GTF2E2: variants seen among roughly 807,000 people sequenced by gnomAD.
GTF2E2 encodes transcription initiation factor IIE subunit beta.
Under a neutral mutation model 40.5 loss-of-function variants are expected in GTF2E2, and 21 were observed. The observed-to-expected ratio is 0.52, with a 90% CI of 0.37 to 0.75. The LOEUF (loss-of-function observed/expected upper bound fraction) is 0.75. GTF2E2 is among the 30% of genes least tolerant of loss of function. The probability of loss-of-function intolerance (pLI) is 0.00; values close to 1 mark genes in which losing one functional copy is unlikely to be tolerated. For synonymous variants in GTF2E2, 117 were observed against 121.6 expected (o/e 0.96, Z 0.25); for missense variants, 298 against 338.4 (o/e 0.88, Z 0.94).
intron 6 of GTF2E2, among the ~76,000 whole-genome samples, chr8:30,599,272 AC>A (rs11284290): frequency 0.36 from 54,175 of 151,942 alleles, 10,025 homozygotes; most frequent in African/African-American, 0.47. Flanking sequence ...AAAAAATAAA[AC>A]CAAAAAAATA....
chr8:30,625,287 T>C (rs932266997), intron 3 of GTF2E2, among the ~76,000 whole-genome samples: 2 of 152,120 alleles, frequency 1.3e-5, no homozygotes, highest in Non-Finnish European at 2.9e-5. Flanking sequence ...TTTTTGTCTT[T>C]GGTTCTGTTT....
intron 2 of GTF2E2, chr8:30,645,217 A>G: frequency 7.9e-7 from 1 of 1,270,576 alleles, no homozygotes; most frequent in South Asian, 1.6e-5. Context: ...AAATCTTAGT[A>G]CTGAGATTTG....
intron 5 of GTF2E2, among the ~76,000 whole-genome samples, chr8:30,611,319 A>C (rs1829468999): frequency 6.6e-6 from 1 of 152,250 alleles, no homozygotes; most frequent in African/African-American, 2.4e-5. Context: ...AGATATATGA[A>C]GAAACAGGAA....
intron 6 of GTF2E2, among the ~76,000 whole-genome samples, chr8:30,605,333 G>C (rs758281366): frequency 4.6e-5 from 7 of 152,044 alleles, no homozygotes; most frequent in Non-Finnish European, 4.4e-5. Context: ...AAAGAGAAAT[G>C]ACAGTAAGTC....
chr8:30,616,906 G>A (rs569492858), intron 3 of GTF2E2, among the ~76,000 whole-genome samples: 3 of 152,122 alleles, frequency 2.0e-5, no homozygotes, highest in African/African-American at 7.2e-5. Flanking sequence ...GTAGAAATAA[G>A]TATACATTTG....
At chr8:30,582,129 A>C (rs914866575) in intron 6 of GTF2E2, among the ~76,000 whole-genome samples, 1 of 152,114 alleles carries the variant, frequency 6.6e-6, no homozygotes, top group African/African-American at 2.4e-5. Context: ...CTCCCACCTC[A>C]GCCTCCTGAG....
At chr8:30,617,484 T>C (rs1800955334) in intron 3 of GTF2E2, among the ~76,000 whole-genome samples, 1 of 152,078 alleles carries the variant, frequency 6.6e-6, no homozygotes, top group Non-Finnish European at 1.5e-5. Context: ...GGCTCACACC[T>C]GAATCCCAGC....
At chr8:30,629,827 T>C (rs6991816) in intron 3 of GTF2E2, among the ~76,000 whole-genome samples, 51,409 of 151,934 alleles carry the variant, frequency 0.34, 8,718 homozygotes, top group African/African-American at 0.4. Context: ...AGAATGACAC[T>C]GGAGAAACAC....
chr8:30,639,218 A>G (rs1249297286), intron 2 of GTF2E2, among the ~76,000 whole-genome samples: 1 of 152,230 alleles, frequency 6.6e-6, no homozygotes, highest in Non-Finnish European at 1.5e-5. Context: ...TATATAAAAG[A>G]TCATAAAAGG....
intron 6 of GTF2E2, chr8:30,597,549 T>C (rs1829046861): frequency 6.6e-6 from 1 of 152,258 alleles, no homozygotes; most frequent in South Asian, 2.1e-4. Flanking sequence ...TGCGGGATGT[T>C]CACTTTGTCT....
At chr8:30,645,605 T>C (rs1180408132) in intron 2 of GTF2E2, 38 of 1,523,152 alleles carry the variant, frequency 2.5e-5, no homozygotes, top group Non-Finnish European at 3.0e-5. Flanking sequence ...TAACACTCTA[T>C]AGAAGATGAA....
rs567256304 is a variant in GTF2E2, at chr8:30,625,311, C to T, written c.258+9721G>A. Among the ~76,000 whole-genome samples, 6 of 152,068 alleles carry T rather than the reference C, an allele frequency of 3.9e-5. No homozygotes were observed. The East Asian group carries it at 7.7e-4, about 20-fold the overall frequency. On this transcript the variant is annotated intron_variant, in intron 3 of 7. Transcript: ENST00000355904. ...TTGGTTCTGTTTATATGCTGGATTA[C>T]GTTTATTGACTTGCGTATGTTGAAC...
intron 6 of GTF2E2, among the ~76,000 whole-genome samples, chr8:30,589,249 C>T (rs1318390220): frequency 6.6e-6 from 1 of 152,100 alleles, no homozygotes; most frequent in Non-Finnish European, 1.5e-5. Context: ...AGCGAGACTC[C>T]ACCTCAAAAA....
chr8:30,651,460 A>C (rs1176213780), intron 2 of GTF2E2, among the ~76,000 whole-genome samples: 1 of 152,228 alleles, frequency 6.6e-6, no homozygotes, highest in Non-Finnish European at 1.5e-5. Context: ...AGATTGAATC[A>C]GAATAAAATA....
At chr8:30,652,099 A>T (rs1802298843) in intron 2 of GTF2E2, among the ~76,000 whole-genome samples, 1 of 152,260 alleles carries the variant, frequency 6.6e-6, no homozygotes, top group African/African-American at 2.4e-5. Flanking sequence ...TAAATGCAGG[A>T]GCTAAAACTA....
At chr8:30,654,088 CA>C (rs11307086) in intron 1 of GTF2E2, among the ~76,000 whole-genome samples, 104,919 of 115,428 alleles carry the variant, frequency 0.91, 47,481 homozygotes, top group Middle Eastern at 0.95. Flanking sequence ...GACCCTTGTT[CA>C]AAAAAAAAAA....
At chr8:30,610,443 CA>C (rs34094808) in intron 5 of GTF2E2, among the ~76,000 whole-genome samples, 24,622 of 89,318 alleles carry the variant, frequency 0.28, 1,727 homozygotes, top group South Asian at 0.41. Flanking sequence ...GACTCTGTCT[CA>C]AAAAAAAAAA....
At chr8:30,631,934 C>A (rs1457938498) in intron 3 of GTF2E2, among the ~76,000 whole-genome samples, 1 of 152,012 alleles carries the variant, frequency 6.6e-6, no homozygotes, top group African/African-American at 2.4e-5. Flanking sequence ...ACTGAGAGAC[C>A]CTGTCTCTAC....
intron 2 of GTF2E2, among the ~76,000 whole-genome samples, chr8:30,640,578 T>A (rs1205432084): frequency 6.6e-6 from 1 of 152,242 alleles, no homozygotes; most frequent in East Asian, 1.9e-4. Flanking sequence ...AAGATTGTTT[T>A]ACCTTTTTTT....
Sources: gnomAD v4.1 joint callset for allele counts (sites outside exome capture counted in the v4.1 genomes callset) on GRCh38, gnomAD v4.1.1 for gene constraint, MANE v1.5 for transcripts, NCBI Gene and HGNC (gene_info 2026-07-23, HGNC 2026-07-21) for gene names.